SCN11A: variants seen among roughly 807,000 people sequenced by gnomAD.
SCN11A encodes the protein sodium channel protein type 11 subunit alpha.
In SCN11A, 122 loss-of-function variants were observed where a neutral mutation model predicts 162.2. That is an observed-to-expected ratio of 0.75 (90% CI 0.65 to 0.87). The LOEUF is 0.87. SCN11A is among the 40% of genes least tolerant of loss of function. The probability of loss-of-function intolerance (pLI) is 0.00; values close to 1 mark genes in which losing one functional copy is unlikely to be tolerated. For missense variants in SCN11A, 2,015 were observed against 2,181.6 expected, an observed-to-expected ratio of 0.92 and a Z score of 1.52; for synonymous variants, 758 against 751.5, an observed-to-expected ratio of 1.01 and a Z score of -0.14.
chr3:38,997,808 G>C (rs1320219836), intron 2 of SCN11A, among the ~76,000 whole-genome samples: 2 of 152,092 alleles, frequency 1.3e-5, no homozygotes, highest in African/African-American at 2.4e-5. Context: ...TTAGACAATG[G>C]GGCTTTCCCC....
intron 17 of SCN11A, among the ~76,000 whole-genome samples, chr3:38,898,249 T>C (rs2065639557): frequency 6.6e-6 from 1 of 152,128 alleles, no homozygotes; most frequent in South Asian, 2.1e-4. Context: ...AAAAAGAAAA[T>C]AACAATAATC....
intron 7 of SCN11A, among the ~76,000 whole-genome samples, chr3:38,929,937 A>C (rs1317449083): frequency 1.3e-5 from 2 of 152,214 alleles, no homozygotes; most frequent in Admixed American, 6.5e-5. Context: ...TAAGAAATAC[A>C]TCTGTATTCT....
chr3:38,882,236 T>C (rs1419702296), intron 22 of SCN11A, among the ~76,000 whole-genome samples: 2 of 152,184 alleles, frequency 1.3e-5, no homozygotes, highest in Non-Finnish European at 2.9e-5. Flanking sequence ...ATTCATCTCT[T>C]TTCACCTAGA....
Position 38,957,677 on chromosome 3 carries a change from A to G in SCN11A, c.-139+2606T>C, listed in dbSNP as rs141604386. 3.9e-3 allele frequency among the ~76,000 whole-genome samples: 587 copies of G among 152,214 alleles called. 5 individuals are homozygous for G. Among genetic ancestry groups the G allele is most frequent in the African/African-American group, 9.2e-3 (383 of 41,518 alleles). On this transcript the variant is annotated intron_variant, in intron 3 of 29. Coordinates refer to ENST00000302328, the MANE Select transcript of SCN11A (RefSeq NM_001349253.2). The stretch of plus-strand genomic sequence containing the variant: ...CAACTGCTCTTCTGTAGACTGGCCC[A>G]CTCCTGCCGAATAGACAGAAAGCAA...
chr3:39,042,829 T>C (rs2032079778), intron 1 of SCN11A, among the ~76,000 whole-genome samples: 1 of 151,390 alleles, frequency 6.6e-6, no homozygotes, highest in Non-Finnish European at 1.5e-5. Context: ...TGGTGGCGCA[T>C]ACCTGTAATC....
chr3:38,919,180 A>G (rs2066007610), intron 11 of SCN11A, among the ~76,000 whole-genome samples: 2 of 152,220 alleles, frequency 1.3e-5, no homozygotes, highest in African/African-American at 2.4e-5. Context: ...TATGCAACAC[A>G]TAACTGCATT....
chr3:38,873,947 C>G, intron 23 of SCN11A, among the ~76,000 whole-genome samples: 1 of 152,134 alleles, frequency 6.6e-6, no homozygotes, highest in Admixed American at 6.6e-5. Flanking sequence ...TCCATTCCTC[C>G]TTGGTGAATA....
intron 28 of SCN11A, among the ~76,000 whole-genome samples, chr3:38,860,992 C>T (rs2126087555): frequency 6.6e-6 from 1 of 152,212 alleles, no homozygotes; most frequent in South Asian, 2.1e-4. Flanking sequence ...TTAGAAAACC[C>T]TAAAGACTCA....
chr3:39,040,837 G>T (rs1354377962), intron 1 of SCN11A, among the ~76,000 whole-genome samples: 3 of 152,168 alleles, frequency 2.0e-5, no homozygotes, highest in African/African-American at 7.2e-5. Flanking sequence ...CCAGCACTTT[G>T]GGAGGCCGAG....
intron 2 of SCN11A, among the ~76,000 whole-genome samples, chr3:39,003,485 T>C (rs2030878065): frequency 6.6e-6 from 1 of 152,250 alleles, no homozygotes; most frequent in South Asian, 2.1e-4. Context: ...AGTGCTGCAA[T>C]GAACATCTGC....
chr3:38,872,442 G>T (rs67630000), intron 23 of SCN11A, 148 bp from the exon 24 acceptor site: 1 of 576,982 alleles, frequency 1.7e-6, no homozygotes, highest in East Asian at 3.0e-5. Flanking sequence ...TAGAAAATCC[G>T]AGAAATTGTT....
At chr3:39,014,942 A>G (rs1464463605) in intron 2 of SCN11A, among the ~76,000 whole-genome samples, 1 of 152,222 alleles carries the variant, frequency 6.6e-6, no homozygotes, top group Admixed American at 6.5e-5. Context: ...TGTGCACTCA[A>G]CAGCAGCAGC....
chr3:38,972,602 A>G (rs1431575825), intron 2 of SCN11A, among the ~76,000 whole-genome samples: 1 of 152,134 alleles, frequency 6.6e-6, no homozygotes, highest in Non-Finnish European at 1.5e-5. Flanking sequence ...ACACACATAC[A>G]TATATATGTA....
intron 1 of SCN11A, among the ~76,000 whole-genome samples, chr3:39,037,363 T>C (rs1281875661): frequency 1.3e-5 from 2 of 152,124 alleles, no homozygotes; most frequent in Non-Finnish European, 2.9e-5. Flanking sequence ...TGGGTATCAT[T>C]AATGGGTACA....
chr3:39,039,941 G>A (rs888643632), intron 1 of SCN11A, among the ~76,000 whole-genome samples: 9 of 152,190 alleles, frequency 5.9e-5, no homozygotes, highest in Admixed American at 3.9e-4. Context: ...GTACATGTCC[G>A]CCAAGGGCTG....
At chr3:38,870,795 AAC>A (rs1214937616) in intron 25 of SCN11A, 51 bp from the exon 26 acceptor site, 2 of 1,514,196 alleles carry the variant, frequency 1.3e-6, no homozygotes, top group South Asian at 2.3e-5. Context: ...ACTTGCCATC[AAC>A]AGATACATGG....
intron 24 of SCN11A, 76 bp downstream of exon 24, chr3:38,872,114 TCTC>T: frequency 1.1e-6 from 1 of 892,924 alleles, no homozygotes; most frequent in East Asian, 2.4e-5. Context: ...TTTAAGGAAA[TCTC>T]AGCCCAAAAA....
intron 3 of SCN11A, among the ~76,000 whole-genome samples, 63 bp downstream of exon 3, chr3:38,960,220 C>T (rs551305447): frequency 6.6e-6 from 1 of 152,306 alleles, no homozygotes; most frequent in African/African-American, 2.4e-5. Flanking sequence ...AAACCAAGTT[C>T]CAGGTGGCAG....
rs536365495 is a variant in SCN11A at position 38,938,068 on chromosome 3, A to G, written c.488+7343T>C. ...TGCAGCCATAAAAAATGATGAGTTCATGTCCTTTGTAGGGACATGGATGAA... is the reference window on the plus strand; with the variant it reads ...TGCAGCCATAAAAAATGATGAGTTCGTGTCCTTTGTAGGGACATGGATGAA... On this transcript the variant is annotated intron_variant, in intron 7 of 29. Coordinates refer to ENST00000302328, the MANE Select transcript of SCN11A (RefSeq NM_001349253.2). 7.2e-4 allele frequency among the ~76,000 whole-genome samples: 109 copies of G among 152,336 alleles called. 1 individual carries two copies. The highest frequency in any genetic ancestry group is 8.7e-4 in the Non-Finnish European group (59 of 68,042).
Sources: gnomAD v4.1 joint callset for allele counts (sites outside exome capture counted in the v4.1 genomes callset) on GRCh38, gnomAD v4.1.1 for gene constraint, MANE v1.5 for transcripts, NCBI Gene and HGNC (gene_info 2026-07-23, HGNC 2026-07-21) for gene names.